Variants in ZZZ3 observed in about 807,000 individuals in gnomAD.
ZZZ3 encodes the protein zinc finger ZZ-type containing 3, also known as ZZ-type zinc finger-containing protein 3.
ZZZ3 carries 22 observed loss-of-function variants against 95.2 expected under a neutral mutation model. The ratio of observed to expected loss-of-function variants is 0.23; its 90% CI spans 0.17 to 0.33. The LOEUF (loss-of-function observed/expected upper bound fraction) is 0.33, where lower values mean the gene tolerates loss of function less well. ZZZ3 is among the 10% of genes least tolerant of loss of function. The probability of loss-of-function intolerance (pLI) is 1.00; values close to 1 mark genes in which losing one functional copy is unlikely to be tolerated. For synonymous variants in ZZZ3, 335 were observed against 358.9 expected (o/e 0.93, Z 0.75); for missense variants, 885 against 1,066.5 (o/e 0.83, Z 2.37).
At chr1:77,600,565 G>A (rs901907076) in intron 5 of ZZZ3, among the ~76,000 whole-genome samples, 2 of 152,138 alleles carry the variant, frequency 1.3e-5, no homozygotes, top group Non-Finnish European at 1.5e-5. Context: ...AATCTCTAAG[G>A]GTCAGGGGTG....
Position 77,563,203 on chromosome 1 carries a change from T to C in ZZZ3, c.*2437A>G, listed in dbSNP as rs1241537333. 6.9e-6 allele frequency: 1 copy of C among 145,106 alleles called. No individual in the cohort carries two copies. The highest frequency in any genetic ancestry group is 2.7e-5 in the African/African-American group (1 of 36,692). 9.0% of individuals were successfully genotyped at this position (145,106 alleles called of 1,614,324 possible). On this transcript the variant is annotated 3_prime_UTR_variant, in exon 15 of 15. Transcript: ENST00000370801. ...GCACAATATATCAGGAAATAGATCT[T>C]ATCTACTGAATACCACTGAATAAGC... is the stretch of plus-strand genomic sequence containing the variant.
At position 77,633,094 on chromosome 1, in the gene ZZZ3, T is replaced by A; in HGVS notation, c.261A>T (p.Gly87=). The change falls in exon 5 of 15, where the codon GGA becomes GGT. Residue 87 remains glycine, a synonymous_variant. Transcript: ENST00000370801. ...TGTTATCCTTTTCTGAAGAAGAAAG[T>A]CCTCTTTTCCTAGGGCTTACCCATG... The part of the protein sequence containing the change: ...RESWVSPRKR[G]LSSSEKDNIE... 6.2e-7 allele frequency: 1 copy of A among 1,613,986 alleles called. No homozygotes were observed. Among genetic ancestry groups the A allele is most frequent in the Non-Finnish European group, 8.5e-7 (1 of 1,180,012 alleles).
chr1:77,632,240 T>C lies in ZZZ3; in HGVS notation c.1115A>G (p.Gln372Arg). 1 of 1,614,028 alleles carries C rather than the reference T, an allele frequency of 6.2e-7. No homozygotes were observed. The highest frequency in any genetic ancestry group is 1.1e-5 in the South Asian group (1 of 91,088). Reference sequence around the variant, plus strand: ...GGTTCTCAGAGTATAACGATGTTCTTGAGGTTCTGATAAAGACATCATTTG... The same window carrying C: ...GGTTCTCAGAGTATAACGATGTTCTCGAGGTTCTGATAAAGACATCATTTG... ...SAQMMSLSEP[Q>R]EHRYTLRTSP... is the part of the protein sequence containing the mutation. The change falls in exon 5 of 15, where the codon CAA (glutamine) becomes CGA (arginine). Residue 372 changes from glutamine (Q) to arginine (R), a missense_variant. Gln to Arg is a conservative substitution (Grantham distance 43, BLOSUM62 1). This residue lies in a region of ZZZ3 where 556 missense variants were observed against 652.9 expected (regional missense o/e 0.85). Transcript: ENST00000370801.
At chr1:77,621,587 G>A (rs1034058696) in intron 5 of ZZZ3, among the ~76,000 whole-genome samples, 1 of 150,916 alleles carries the variant, frequency 6.6e-6, no homozygotes, top group African/African-American at 2.4e-5. Flanking sequence ...AGGCCAAGGT[G>A]GGCGGATGGC....
intron 12 of ZZZ3, among the ~76,000 whole-genome samples, chr1:77,569,563 G>C (rs1168713767): frequency 2.0e-5 from 3 of 152,086 alleles, no homozygotes; most frequent in Non-Finnish European, 2.9e-5. Context: ...ACAACTTCAA[G>C]ATTATCACAG....
At chr1:77,575,495 T>C (rs921002185) in intron 12 of ZZZ3, among the ~76,000 whole-genome samples, 2 of 152,208 alleles carry the variant, frequency 1.3e-5, no homozygotes, top group African/African-American at 4.8e-5. Flanking sequence ...TGACCTACTA[T>C]GAATTTACAG....
intron 1 of ZZZ3, among the ~76,000 whole-genome samples, chr1:77,656,789 C>A (rs1157850949): frequency 1.3e-5 from 2 of 152,100 alleles, no homozygotes; most frequent in Non-Finnish European, 2.9e-5. Context: ...TTTCAAAATC[C>A]CTAAGTGCCA....
At chr1:77,579,686 T>C (rs1662311382) in intron 9 of ZZZ3, 58 bp from the exon 10 acceptor site, 2 of 954,682 alleles carry the variant, frequency 2.1e-6, no homozygotes, top group Non-Finnish European at 1.6e-6. Flanking sequence ...AAATATTGGA[T>C]TTCTAAATAA....
chr1:77,663,104 CAAAAAAAAAATTAATA>C (rs1557774466), intron 1 of ZZZ3, among the ~76,000 whole-genome samples: 1 of 134,456 alleles, frequency 7.4e-6, no homozygotes. Flanking sequence ...GACCCGGTCT[CAAAAAAAAAATTAATA>C]AAAAAAAAAA....
intron 13 of ZZZ3, among the ~76,000 whole-genome samples, chr1:77,566,929 C>A (rs1660886547): frequency 6.6e-6 from 1 of 152,156 alleles, no homozygotes; most frequent in South Asian, 2.1e-4. Flanking sequence ...CAAGCCATGG[C>A]TGGGTTTTGC....
At chr1:77,658,984 C>T (rs965731035) in intron 1 of ZZZ3, among the ~76,000 whole-genome samples, 2 of 151,976 alleles carry the variant, frequency 1.3e-5, no homozygotes, top group Admixed American at 6.6e-5. Context: ...TTTGGGAGGC[C>T]GAGGCAGGCG....
At chr1:77,604,616 C>T (rs994110614) in intron 5 of ZZZ3, among the ~76,000 whole-genome samples, 1 of 152,102 alleles carries the variant, frequency 6.6e-6, no homozygotes, top group African/African-American at 2.4e-5. Flanking sequence ...TCCCTTAGAT[C>T]GATAACCTTG....
rs1660631811 is a variant in ZZZ3 at position 77,564,136 on chromosome 1, C to T, written c.*1504G>A. ...AGGAAACAAGGTGATTTTTCAAAAG[C>T]CATCTGTTTAAATACATGGGGGCTT... On this transcript the variant is annotated 3_prime_UTR_variant, in exon 15 of 15. Coordinates refer to ENST00000370801, the MANE Select transcript of ZZZ3 (RefSeq NM_015534.6). The T allele has an allele frequency of 6.6e-6, 1 of 151,958 alleles. No homozygotes were observed. Among genetic ancestry groups the T allele is most frequent in the Admixed American group, 6.6e-5 (1 of 15,254 alleles). 9.4% of individuals were successfully genotyped at this position (151,958 alleles called of 1,614,324 possible).
intron 5 of ZZZ3, among the ~76,000 whole-genome samples, chr1:77,605,565 C>T (rs1665150303): frequency 6.6e-6 from 1 of 152,154 alleles, no homozygotes; most frequent in Non-Finnish European, 1.5e-5. Flanking sequence ...ACAGGCAACA[C>T]AGCTCGTGAC....
At chr1:77,567,291 G>A (rs1270030450) in intron 13 of ZZZ3, among the ~76,000 whole-genome samples, 2 of 152,052 alleles carry the variant, frequency 1.3e-5, no homozygotes, top group African/African-American at 4.8e-5. Context: ...CTCCTCTTTT[G>A]TCTAAATTAT....
At chr1:77,566,051 T>C in intron 14 of ZZZ3, 30 bp downstream of exon 14, 1 of 1,545,704 alleles carries the variant, frequency 6.5e-7, no homozygotes, top group Non-Finnish European at 8.9e-7. Flanking sequence ...CTTGTCTAAG[T>C]TGAAGACTGA....
intron 1 of ZZZ3, among the ~76,000 whole-genome samples, chr1:77,651,337 C>A (rs1415914578): frequency 1.3e-5 from 2 of 152,098 alleles, no homozygotes; most frequent in African/African-American, 4.8e-5. Context: ...CAAGATCACG[C>A]CACTGCACCC....
chr1:77,599,757 T>C (rs1664555578), intron 5 of ZZZ3, among the ~76,000 whole-genome samples: 1 of 151,892 alleles, frequency 6.6e-6, no homozygotes, highest in Non-Finnish European at 1.5e-5. Context: ...GAAAGAAGAG[T>C]ACTAGATTTT....
At chr1:77,667,447 T>G (rs1671339953) in intron 1 of ZZZ3, among the ~76,000 whole-genome samples, 1 of 152,196 alleles carries the variant, frequency 6.6e-6, no homozygotes, top group African/African-American at 2.4e-5. Flanking sequence ...ATTTGGGTAT[T>G]TCTCATTATT....
Sources: allele counts gnomAD v4.1 joint callset (sites outside exome capture counted in the v4.1 genomes callset), GRCh38; gene constraint gnomAD v4.1.1; regional missense constraint gnomAD v4.1.1; transcripts MANE v1.5; gene names NCBI Gene and HGNC (gene_info 2026-07-23, HGNC 2026-07-21).